The following NPNT variants were observed in gnomAD, a reference collection of about 807,000 sequenced individuals.
NPNT encodes the protein nephronectin.
Under a neutral mutation model 68.6 loss-of-function variants are expected in NPNT, and 45 were observed. The ratio of observed to expected loss-of-function variants is 0.66; its 90% CI spans 0.52 to 0.84. The LOEUF is 0.84. Ranked by LOEUF, NPNT falls within the 40% of genes least tolerant of loss-of-function variation. The probability of loss-of-function intolerance (pLI) is 0.00; values close to 1 mark genes in which losing one functional copy is unlikely to be tolerated. For missense variants in NPNT, 672 were observed against 714.8 expected, an observed-to-expected ratio of 0.94 and a Z score of 0.68; for synonymous variants, 233 against 253.3, an observed-to-expected ratio of 0.92 and a Z score of 0.76.
At chr4:105,908,345 A>G (rs1186846253) in intron 2 of NPNT, among the ~76,000 whole-genome samples, 1 of 152,164 alleles carries the variant, frequency 6.6e-6, no homozygotes, top group African/African-American at 2.4e-5. Context: ...TCTGTAGATT[A>G]ATAATATAAA....
chr4:105,911,355 G>A (rs138696417), intron 2 of NPNT, among the ~76,000 whole-genome samples: 239 of 152,014 alleles, frequency 1.6e-3, no homozygotes, highest in African/African-American at 5.4e-3. Context: ...CCAAAGGAAG[G>A]CCCCATTCAC....
intron 8 of NPNT, among the ~76,000 whole-genome samples, chr4:105,950,591 C>T (rs1730746217): frequency 6.6e-6 from 1 of 152,058 alleles, no homozygotes; most frequent in Non-Finnish European, 1.5e-5. Context: ...GCGTGCACCA[C>T]CACACCCAGC....
At chr4:105,967,689 T>C (rs1732281644) in intron 11 of NPNT, among the ~76,000 whole-genome samples, 1 of 151,802 alleles carries the variant, frequency 6.6e-6, no homozygotes, top group Non-Finnish European at 1.5e-5. Context: ...CATTTTTTTT[T>C]AATGGAAAAA....
rs539109049 is a variant in NPNT, at chr4:105,935,391, C to G, written c.266-1618C>G. On this transcript the variant is annotated intron_variant, in intron 3 of 11. Coordinates refer to ENST00000379987, the MANE Select transcript of NPNT (RefSeq NM_001033047.3). ...ATATTAGGAACAGTCATTAACTCCT[C>G]TTAGAAGATGAGAAAAGTTTCCCTC... 5.3e-5 allele frequency among the ~76,000 whole-genome samples: 8 copies of G among 152,276 alleles called. No homozygotes were observed. The South Asian group carries it at 1.5e-3, about 28-fold the overall frequency.
intron 1 of NPNT, chr4:105,896,065 A>C: frequency 3.2e-6 from 1 of 311,972 alleles, no homozygotes; most frequent in East Asian, 7.0e-5. Flanking sequence ...TGACGCGCGA[A>C]ACATCCCTTA....
At chr4:105,898,084 G>T in intron 2 of NPNT, 83 bp downstream of exon 2, 3 of 913,184 alleles carry the variant, frequency 3.3e-6, no homozygotes, top group South Asian at 1.7e-5. Context: ...CATATCAGAG[G>T]GTTCATTACT....
rs140175438 is a variant in NPNT, at chr4:105,965,832, C to T, written c.1346-1356C>T. Reference sequence around the variant, plus strand: ...TTTGCTGTATCCTTGGAACATCATTCGTTGATTCAAACATCCTTAAACACC... The same window carrying T: ...TTTGCTGTATCCTTGGAACATCATTTGTTGATTCAAACATCCTTAAACACC... On this transcript the variant is annotated intron_variant, in intron 10 of 11. Transcript: ENST00000379987. 1.5e-4 allele frequency among the ~76,000 whole-genome samples: 23 copies of T among 152,258 alleles called. 1 individual carries two copies. The South Asian group carries it at 2.5e-3, about 16-fold the overall frequency.
intron 8 of NPNT, among the ~76,000 whole-genome samples, chr4:105,946,390 A>G (rs554717292): frequency 6.6e-6 from 1 of 152,298 alleles, no homozygotes; most frequent in East Asian, 1.9e-4. Context: ...AGTCCTCCCA[A>G]TTATATCCAG....
intron 2 of NPNT, among the ~76,000 whole-genome samples, chr4:105,919,792 A>G (rs562438928): frequency 4.0e-5 from 6 of 149,982 alleles, no homozygotes; most frequent in East Asian, 3.9e-4. Context: ...TATTGGTGAT[A>G]TTAAGTTTGA....
At chr4:105,929,934 A>G (rs1038178568) in intron 3 of NPNT, among the ~76,000 whole-genome samples, 5 of 152,190 alleles carry the variant, frequency 3.3e-5, no homozygotes, top group African/African-American at 1.2e-4. Flanking sequence ...CTAAAGAAAA[A>G]ATCGAATGTA....
At chr4:105,910,483 T>G (rs1727271397) in intron 2 of NPNT, among the ~76,000 whole-genome samples, 1 of 149,392 alleles carries the variant, frequency 6.7e-6, no homozygotes, top group Non-Finnish European at 1.5e-5. Flanking sequence ...TAGTGAATGT[T>G]TTAATGGGGT....
chr4:105,962,578 A>C (rs541830815), intron 10 of NPNT, among the ~76,000 whole-genome samples: 1 of 152,314 alleles, frequency 6.6e-6, no homozygotes, highest in East Asian at 1.9e-4. Flanking sequence ...AAGTTGGATT[A>C]GAAAACCTCT....
chr4:105,916,854 G>A (rs1226314708), intron 2 of NPNT, among the ~76,000 whole-genome samples: 2 of 152,126 alleles, frequency 1.3e-5, no homozygotes, highest in Non-Finnish European at 2.9e-5. Context: ...GAAGGTGTAA[G>A]AGCTAGTCAT....
chr4:105,929,653 C>T (rs1440203934), intron 3 of NPNT: 1 of 151,734 alleles, frequency 6.6e-6, no homozygotes, highest in African/African-American at 2.4e-5. Context: ...TGAACATAAG[C>T]CCTCAGAGGT....
intron 8 of NPNT, among the ~76,000 whole-genome samples, chr4:105,955,599 C>A (rs1028509886): frequency 1.1e-4 from 16 of 150,254 alleles, no homozygotes; most frequent in Non-Finnish European, 1.5e-5. Context: ...AAAAGTGAAC[C>A]AATACAAATG....
At position 105,940,508 on chromosome 4, in the gene NPNT, A is replaced by G. The variant is rs1357280392; in HGVS notation, c.641-6A>G. 1.9e-6 allele frequency: 3 copies of G among 1,610,712 alleles called. No individual in the cohort carries two copies. The African/African-American group carries it at 4.0e-5, about 22-fold the overall frequency. On this transcript the variant is annotated splice_polypyrimidine_tract_variant and splice_region_variant and intron_variant, in intron 6 of 11. Transcript: ENST00000379987. The stretch of plus-strand genomic sequence containing the variant: ...AAGTCTCTTCTTTTCCTACTTTCTG[A>G]TGCAGACATAGACGAATGCTCACTT...
rs767469474 is a variant in NPNT, at chr4:105,942,722, G to A, written c.1159+20G>A. 1.5e-5 allele frequency: 23 copies of A among 1,572,618 alleles called. No individual in the cohort carries two copies. The highest frequency in any genetic ancestry group is 1.2e-4 in the South Asian group (10 of 84,706). ...TGTTCAGTAAGTCTAATAAATGTTA[G>A]CACATTTTCAATAGGCTCTTTATAA... is the stretch of plus-strand genomic sequence containing the variant. On this transcript the variant is annotated intron_variant, in intron 8 of 11. Coordinates refer to ENST00000379987, the MANE Select transcript of NPNT (RefSeq NM_001033047.3).
chr4:105,932,709 C>A (rs1027331788), intron 3 of NPNT: 14 of 1,530,362 alleles, frequency 9.1e-6, no homozygotes, highest in Non-Finnish European at 1.1e-5. Context: ...AAGGGGTGAG[C>A]GTGCATTGTC....
chr4:105,902,769 T>C (rs1191983095), intron 2 of NPNT: 2 of 152,220 alleles, frequency 1.3e-5, no homozygotes, highest in Admixed American at 1.3e-4. Context: ...AAGATCAGCG[T>C]TGAAGAATCT....
Sources: allele counts gnomAD v4.1 joint callset (sites outside exome capture counted in the v4.1 genomes callset), GRCh38; gene constraint gnomAD v4.1.1; transcripts MANE v1.5; gene names NCBI Gene and HGNC (gene_info 2026-07-23, HGNC 2026-07-21).